The following SOS1 variants were observed in gnomAD, a reference collection of about 807,000 sequenced individuals.
SOS1 encodes son of sevenless homolog 1.
Under a neutral mutation model 157.6 loss-of-function variants are expected in SOS1, and 25 were observed. The observed-to-expected ratio is 0.16, with a 90% CI of 0.12 to 0.22. SOS1 has a LOEUF of 0.22. Among genes scored for constraint, SOS1 ranks in the 10% least tolerant of loss-of-function variants. SOS1 has a pLI of 1.00. For synonymous variants in SOS1, 528 were observed against 534.0 expected (o/e 0.99, Z 0.16); for missense variants, 1,237 against 1,599.1 (o/e 0.77, Z 3.86).
At chr2:38,996,786 C>A in intron 19 of SOS1, 136 bp downstream of exon 19, 1 of 635,858 alleles carries the variant, frequency 1.6e-6, no homozygotes, top group South Asian at 2.1e-5. Context: ...GTGGGATATT[C>A]CTGGACATAA....
chr2:39,047,373 T>C (rs1200873065), intron 6 of SOS1, among the ~76,000 whole-genome samples: 2 of 152,214 alleles, frequency 1.3e-5, no homozygotes, highest in Non-Finnish European at 2.9e-5. Flanking sequence ...GTTTGGTATA[T>C]GCCCAAGAGT....
intron 8 of SOS1, among the ~76,000 whole-genome samples, chr2:39,025,070 CATCTTAA>C (rs757145053): frequency 1.3e-5 from 2 of 152,198 alleles, no homozygotes; most frequent in Non-Finnish European, 2.9e-5. Context: ...TTCACTCATA[CATCTTAA>C]ACCTGTTCCT....
In SOS1 at chr2:39,039,340, G is replaced by A. The variant is rs569823126; in HGVS notation, c.865-3840C>T. 6.4e-4 allele frequency among the ~76,000 whole-genome samples: 97 copies of A among 152,262 alleles called. 1 individual carries two copies. Among genetic ancestry groups the A allele is most frequent in the Admixed American group, 4.1e-3 (63 of 15,284 alleles). Reference sequence around the variant, plus strand: ...CACATATGCATGAATATTTTTTAGAGCATGTAAACTAGAAGGGGAAGTTGC... The same window carrying A: ...CACATATGCATGAATATTTTTTAGAACATGTAAACTAGAAGGGGAAGTTGC... On this transcript the variant is annotated intron_variant, in intron 6 of 22. Coordinates refer to ENST00000402219, the MANE Select transcript of SOS1 (RefSeq NM_005633.4).
intron 13 of SOS1, among the ~76,000 whole-genome samples, chr2:39,012,798 T>G (rs755558571): frequency 4.6e-5 from 7 of 152,208 alleles, no homozygotes; most frequent in Non-Finnish European, 7.4e-5. Flanking sequence ...GACTGATTCC[T>G]TAGTGTGAGT....
Position 38,985,816 on chromosome 2 carries a change from A to C in SOS1, c.*8T>G. On this transcript the variant is annotated 3_prime_UTR_variant, in exon 23 of 23. Transcript: ENST00000402219. ...GCTAGGAAAATATACATCCCAGTAC[A>C]GAGGAACTCAGGAAGAATGGGCATT... 1 of 1,613,712 alleles carries C rather than the reference A, an allele frequency of 6.2e-7. No individual in the cohort carries two copies. The highest frequency in any genetic ancestry group is 8.5e-7 in the Non-Finnish European group (1 of 1,179,728).
chr2:39,046,495 CTTTTTTTTTTTTTTTTTT>C (rs201639147), intron 6 of SOS1, among the ~76,000 whole-genome samples: 1 of 124,382 alleles, frequency 8.0e-6, no homozygotes, highest in African/African-American at 3.3e-5. Context: ...GAGACAGTGT[CTTTTTTTTTTTTTTTTTT>C]TTTTTTTTTG....
Position 38,997,433 on chromosome 2 carries a change from A to G in SOS1, c.2792-8T>C, listed in dbSNP as rs1668930544. On this transcript the variant is annotated splice_polypyrimidine_tract_variant and splice_region_variant and intron_variant, in intron 17 of 22. Transcript: ENST00000402219. The stretch of plus-strand genomic sequence containing the variant: ...TATTAGTGAGATAAATTCCTAGAAG[A>G]TATAATGGAATGATTTCAAGGATAA... The G allele has an allele frequency of 1.3e-6, 2 of 1,581,452 alleles. No individual in the cohort carries two copies. The highest frequency in any genetic ancestry group is 1.7e-6 in the Non-Finnish European group (2 of 1,153,006).
intron 17 of SOS1, among the ~76,000 whole-genome samples, chr2:38,998,790 AC>A (rs556246008): frequency 8.0e-4 from 122 of 152,266 alleles, no homozygotes; most frequent in South Asian, 5.2e-3. Flanking sequence ...AGTACTGATT[AC>A]AATGCTTTGA....
chr2:39,045,237 A>AGGGAGG lies in SOS1; in HGVS notation c.864+5906_864+5907insCCTCCC, dbSNP rs1553360161. 1.1e-4 allele frequency among the ~76,000 whole-genome samples: 8 copies of AGGGAGG among 75,616 alleles called. No homozygotes were observed. In the East Asian group the frequency reaches 2.6e-3, roughly 24 times the overall value. 49.6% of individuals were successfully genotyped at this position (75,616 alleles called of 152,430 possible). A position where few individuals can be genotyped will look rare whatever the true frequency, so the allele number is the denominator to read the frequency against. ...CTAATTGAGTGTGAGGGAATGAGAG[A>AGGGAGG]GAGAGGGAGAGAGAGAGAGAGAGAG... On this transcript the variant is annotated intron_variant, in intron 6 of 22. Coordinates refer to ENST00000402219, the MANE Select transcript of SOS1 (RefSeq NM_005633.4).
rs201982464 is a variant in SOS1 at position 38,989,263 on chromosome 2, T to C, written c.3391+7A>G. On this transcript the variant is annotated splice_region_variant and intron_variant, in intron 21 of 22. Transcript: ENST00000402219. Reference sequence around the variant, plus strand: ...AGAATTATGAGTCTTAAACCAAATATACTAACTTGGGCCATGGGGCAGAGT... The same window carrying C: ...AGAATTATGAGTCTTAAACCAAATACACTAACTTGGGCCATGGGGCAGAGT... The C allele has an allele frequency of 6.6e-4, 1,051 of 1,585,362 alleles. 1 individual carries two copies. Among genetic ancestry groups the C allele is most frequent in the South Asian group, 2.4e-3 (221 of 90,478 alleles).
At chr2:39,078,139 A>G (rs1672079239) in intron 1 of SOS1, among the ~76,000 whole-genome samples, 1 of 152,216 alleles carries the variant, frequency 6.6e-6, no homozygotes, top group Non-Finnish European at 1.5e-5. Flanking sequence ...AAGGGGAAAC[A>G]CAACTGCCCC....
chr2:39,094,694 G>C (rs1278185184), intron 1 of SOS1, among the ~76,000 whole-genome samples: 1 of 150,868 alleles, frequency 6.6e-6, no homozygotes, highest in Non-Finnish European at 1.5e-5. Context: ...GACTGTGAGG[G>C]GGTTCTGAGA....
At chr2:39,082,549 G>A (rs1672242433) in intron 1 of SOS1, 1 of 152,164 alleles carries the variant, frequency 6.6e-6, no homozygotes, top group South Asian at 2.1e-4. Flanking sequence ...TAGAGTACAG[G>A]TTGAAATCTA....
At chr2:39,008,929 C>A (rs11124659) in intron 15 of SOS1, among the ~76,000 whole-genome samples, 136,615 of 146,162 alleles carry the variant, frequency 0.93, 63,840 homozygotes, top group African/African-American at 0.97. Context: ...GTATGCAAAC[C>A]AATAGGAAAG....
In SOS1 at chr2:38,986,144, T is replaced by C; in HGVS notation, c.3682A>G (p.Ser1228Gly). 1 of 1,613,728 alleles carries C rather than the reference T, an allele frequency of 6.2e-7. No individual in the cohort carries two copies. The highest frequency in any genetic ancestry group is 8.5e-7 in the Non-Finnish European group (1 of 1,179,832). Residue 1228 changes from serine (S) to glycine (G), a missense_variant, in exon 23 of 23, where the codon AGC becomes GGC. Transcript: ENST00000402219. Reference protein sequence around the residue: ...EPVRTPDVFSSSPLHLQPPPL... With the variant: ...EPVRTPDVFSGSPLHLQPPPL... ...GGAGGTTGGAGATGTAGTGGTGAGC[T>C]TGAGAAAACATCAGGTGTCCTCACA... is the stretch of plus-strand genomic sequence containing the variant.
chr2:39,103,777 A>G (rs1277743133), intron 1 of SOS1, among the ~76,000 whole-genome samples: 1 of 152,260 alleles, frequency 6.6e-6, no homozygotes, highest in Non-Finnish European at 1.5e-5. Context: ...AGACAATGAA[A>G]GAAAAAACAG....
At chr2:39,000,094 A>G (rs1288910427) in intron 17 of SOS1, among the ~76,000 whole-genome samples, 1 of 152,120 alleles carries the variant, frequency 6.6e-6, no homozygotes, top group Admixed American at 6.6e-5. Context: ...TGGTTTGGGG[A>G]GGAAATGGGG....
At chr2:39,004,604 TATG>T (rs1021552832) in intron 17 of SOS1, among the ~76,000 whole-genome samples, 15 of 151,484 alleles carry the variant, frequency 9.9e-5, no homozygotes, top group Non-Finnish European at 2.1e-4. Flanking sequence ...TAGAAGAAAA[TATG>T]ATTATTACTA....
chr2:38,987,719 T>TA (rs1450792063), intron 21 of SOS1, 128 bp from the exon 22 acceptor site: 16 of 672,616 alleles, frequency 2.4e-5, no homozygotes, highest in Middle Eastern at 7.7e-4. Context: ...AGCTGTTCAA[T>TA]AAACCAATAC....
Sources: gnomAD v4.1 joint callset for allele counts (sites outside exome capture counted in the v4.1 genomes callset) on GRCh38, gnomAD v4.1.1 for gene constraint, MANE v1.5 for transcripts, NCBI Gene and HGNC (gene_info 2026-07-23, HGNC 2026-07-21) for gene names.